Variants in BACH2 observed in about 807,000 individuals in gnomAD.
BACH2 encodes the protein BACH transcriptional regulator 2, also known as transcription regulator protein BACH2.
A neutral mutation model predicts 61.8 loss-of-function variants in BACH2; 5 were observed. The observed-to-expected ratio is 0.08, with a 90% CI of 0.04 to 0.17. BACH2 has a LOEUF of 0.17. BACH2 is among the 10% of genes least tolerant of loss of function. BACH2 has a pLI of 1.00. For missense variants in BACH2, 824 were observed against 1,091.1 expected (o/e 0.76, Z 3.45); for synonymous variants, 446 against 440.1 (o/e 1.01, Z -0.17).
chr6:90,223,971 C>T (rs553858012), intron 3 of BACH2, among the ~76,000 whole-genome samples: 4 of 152,254 alleles, frequency 2.6e-5, no homozygotes, highest in Admixed American at 6.5e-5. Context: ...AACTGAGAAA[C>T]GAAGCTGACA....
At chr6:90,296,222 C>A (rs915134572) in intron 1 of BACH2, among the ~76,000 whole-genome samples, 1 of 152,008 alleles carries the variant, frequency 6.6e-6, no homozygotes, top group African/African-American at 2.4e-5. Context: ...CCTCGGCCGC[C>A]GTAAACAGCC....
intron 3 of BACH2, among the ~76,000 whole-genome samples, chr6:90,250,664 G>A (rs1309334497): frequency 1.3e-5 from 2 of 152,090 alleles, no homozygotes; most frequent in Non-Finnish European, 2.9e-5. Flanking sequence ...TGACTCTGAA[G>A]AAAAATGAGC....
chr6:90,230,181 C>G (rs1770049381), intron 3 of BACH2, among the ~76,000 whole-genome samples: 1 of 152,208 alleles, frequency 6.6e-6, no homozygotes, highest in African/African-American at 2.4e-5. Context: ...AATCCCTGCT[C>G]CACTAGTTAC....
chr6:90,045,321 C>A (rs150890232), intron 5 of BACH2, among the ~76,000 whole-genome samples: 1 of 152,172 alleles, frequency 6.6e-6, no homozygotes, highest in African/African-American at 2.4e-5. Context: ...CTACTTCAGG[C>A]GTCTTGGTAA....
intron 4 of BACH2, among the ~76,000 whole-genome samples, chr6:90,201,223 C>G (rs1768945533): frequency 6.6e-6 from 1 of 152,186 alleles, no homozygotes; most frequent in South Asian, 2.1e-4. Flanking sequence ...AATGGAAATT[C>G]TGGGACAAAA....
At chr6:90,292,079 T>C (rs1331476958) in intron 1 of BACH2, among the ~76,000 whole-genome samples, 2 of 152,218 alleles carry the variant, frequency 1.3e-5, no homozygotes, top group Admixed American at 6.5e-5. Flanking sequence ...GGGACCATGT[T>C]CTCTGTATGT....
chr6:89,927,675 T>C lies in BACH2; in HGVS notation c.*4733A>G, dbSNP rs917285127. 6.5e-6 allele frequency: 1 copy of C among 152,812 alleles called. No homozygotes were observed. The highest frequency in any genetic ancestry group is 2.4e-5 in the African/African-American group (1 of 41,464). 9.5% of individuals were successfully genotyped at this position (152,812 alleles called of 1,614,324 possible). On this transcript the variant is annotated 3_prime_UTR_variant, in exon 9 of 9. Transcript: ENST00000257749. ...AACCAAGTGGGTATTCTTCACAAAA[T>C]GGCAGCATCGTTTTCATATTACATT...
chr6:90,029,625 G>A (rs184165356), intron 5 of BACH2, among the ~76,000 whole-genome samples: 160 of 152,238 alleles, frequency 1.1e-3, no homozygotes, highest in South Asian at 7.3e-3. Flanking sequence ...CATTGAAGCC[G>A]CAGAACTTCA....
At position 89,932,863 on chromosome 6, in the gene BACH2, C is replaced by T; in HGVS notation, c.2071G>A (p.Glu691Lys). Reference sequence around the variant, plus strand: ...ATGCATGCTTTCAGTTGATTCCTCTCTGACAACAGTTTCTCTTTCTCACAC... The same window carrying T: ...ATGCATGCTTTCAGTTGATTCCTCTTTGACAACAGTTTCTCTTTCTCACAC... ...LVCEKEKLLS[E>K]RNQLKACMGE... Residue 691 changes from glutamate to lysine, a missense_variant, in exon 9 of 9, where the codon GAG becomes AAG. This residue lies in a region of BACH2 where 160 missense variants were observed against 283.5 expected (regional missense o/e 0.56). Transcript: ENST00000257749. 2.5e-6 allele frequency: 4 copies of T among 1,600,086 alleles called. No individual in the cohort carries two copies. Among genetic ancestry groups the T allele is most frequent in the Non-Finnish European group, 2.6e-6 (3 of 1,169,394 alleles).
chr6:90,191,615 T>C (rs1293011359), intron 4 of BACH2, among the ~76,000 whole-genome samples: 1 of 152,228 alleles, frequency 6.6e-6, no homozygotes, highest in Non-Finnish European at 1.5e-5. Context: ...GGATCTGCTT[T>C]ATCTAGACAC....
chr6:90,043,549 C>A (rs553172757), intron 5 of BACH2, among the ~76,000 whole-genome samples: 14 of 147,218 alleles, frequency 9.5e-5, no homozygotes, highest in South Asian at 4.7e-4. Context: ...CCCTTTCTTT[C>A]TTTTCAAATT....
intron 5 of BACH2, among the ~76,000 whole-genome samples, chr6:90,026,869 G>T (rs1207625852): frequency 6.6e-6 from 1 of 152,160 alleles, no homozygotes; most frequent in African/African-American, 2.4e-5. Context: ...ATCTCTGCAG[G>T]GATGCAGGCT....
At chr6:90,030,651 C>T (rs1282005538) in intron 5 of BACH2, among the ~76,000 whole-genome samples, 1 of 151,956 alleles carries the variant, frequency 6.6e-6, no homozygotes, top group Non-Finnish European at 1.5e-5. Flanking sequence ...AAGACTAAAC[C>T]AGGAACAAGT....
intron 5 of BACH2, among the ~76,000 whole-genome samples, chr6:90,085,294 G>A (rs1472693577): frequency 6.6e-6 from 1 of 152,078 alleles, no homozygotes; most frequent in Non-Finnish European, 1.5e-5. Context: ...TTTCTACTGC[G>A]CTGGAATCTA....
At chr6:90,183,921 T>C (rs1339780862) in intron 4 of BACH2, among the ~76,000 whole-genome samples, 1 of 152,222 alleles carries the variant, frequency 6.6e-6, no homozygotes, top group African/African-American at 2.4e-5. Context: ...TTCAGTGTGG[T>C]CTGAAAGGAA....
chr6:90,159,430 G>A (rs901505580), intron 4 of BACH2, among the ~76,000 whole-genome samples: 1 of 152,154 alleles, frequency 6.6e-6, no homozygotes, highest in Admixed American at 6.5e-5. Context: ...AGTAAAATAA[G>A]GCAACTAAAG....
intron 5 of BACH2, among the ~76,000 whole-genome samples, chr6:90,080,302 C>A (rs192724042): frequency 1.4e-3 from 219 of 152,184 alleles, no homozygotes; most frequent in Non-Finnish European, 2.6e-3. Context: ...TGCGGTGGCA[C>A]CACGCTTACC....
In BACH2 at chr6:90,162,227, A is replaced by G. The variant is rs375689464; in HGVS notation, c.-162+44342T>C. 3.9e-5 allele frequency among the ~76,000 whole-genome samples: 6 copies of G among 152,338 alleles called. No individual in the cohort carries two copies. The East Asian group carries it at 1.2e-3, about 29-fold the overall frequency. ...ATAAATGTTGAATAAGTCAATGAGC[A>G]TAGGACTAAATTTATTTAAATTACT... On this transcript the variant is annotated intron_variant, in intron 4 of 8. Transcript: ENST00000257749.
intron 4 of BACH2, among the ~76,000 whole-genome samples, chr6:90,192,557 CA>C (rs1768611956): frequency 6.6e-6 from 1 of 152,154 alleles, no homozygotes; most frequent in Non-Finnish European, 1.5e-5. Flanking sequence ...CCGTCTTCTG[CA>C]CTCACAATAT....
Sources: gnomAD v4.1 joint callset for allele counts (sites outside exome capture counted in the v4.1 genomes callset) on GRCh38, gnomAD v4.1.1 for gene constraint, gnomAD v4.1.1 regional missense constraint, MANE v1.5 for transcripts, NCBI Gene and HGNC (gene_info 2026-07-23, HGNC 2026-07-21) for gene names.